The following ZBED3 variants were observed in gnomAD, a reference collection of about 807,000 sequenced individuals.
ZBED3 encodes the protein zinc finger BED domain-containing protein 3.
For synonymous variants in ZBED3, 175 were observed against 180.0 expected (o/e 0.97, Z 0.22); for missense variants, 388 against 362.9 (o/e 1.07, Z -0.56).
intron 1 of ZBED3, among the ~76,000 whole-genome samples, chr5:77,085,369 C>G (rs2150743352): frequency 6.6e-6 from 1 of 152,302 alleles, no homozygotes; most frequent in Non-Finnish European, 1.5e-5. Flanking sequence ...TATGCTTGTG[C>G]ACATAAAAAA....
chr5:77,080,307 G>A lies in ZBED3; in HGVS notation c.-152-1579C>T. 7.9e-6 allele frequency: 3 copies of A among 380,696 alleles called. No individual in the cohort carries two copies. In the Admixed American group the frequency reaches 1.0e-4, roughly 13 times the overall value. 23.6% of individuals were successfully genotyped at this position (380,696 alleles called of 1,614,324 possible). On this transcript the variant is annotated intron_variant, in intron 1 of 2. Coordinates refer to ENST00000255198, the MANE Select transcript of ZBED3 (RefSeq NM_032367.4). ...TTAAAAACTGGAATGCCCAGAGGGA[G>A]TGTCGCACAGGTGAATGCCATCTGT...
At chr5:77,080,840 G>A (rs879851254) in intron 1 of ZBED3, among the ~76,000 whole-genome samples, 3 of 152,226 alleles carry the variant, frequency 2.0e-5, no homozygotes, top group African/African-American at 7.2e-5. Context: ...TGTAAATGAC[G>A]AGTTAACGGG....
At chr5:77,080,373 C>T (rs1743103407) in intron 1 of ZBED3, 1 of 425,770 alleles carries the variant, frequency 2.3e-6, no homozygotes, top group Non-Finnish European at 4.6e-6. Context: ...GCACTGACTT[C>T]GATGTCTTAA....
At chr5:77,083,407 G>T (rs1326469249) in intron 1 of ZBED3, among the ~76,000 whole-genome samples, 5 of 152,224 alleles carry the variant, frequency 3.3e-5, no homozygotes, top group Non-Finnish European at 5.9e-5. Flanking sequence ...CTGGCACAGG[G>T]TAGACACTTG....
Position 77,075,449 on chromosome 5 carries a change from GT to G in ZBED3, c.*1724del, listed in dbSNP as rs1394683451. On this transcript the variant is annotated 3_prime_UTR_variant, in exon 3 of 3. Coordinates refer to ENST00000255198, the MANE Select transcript of ZBED3 (RefSeq NM_032367.4). Reference sequence around the variant, plus strand: ...GCTCTGTATTAGAGGCTATAAAGAAGTTACTGTTTATATTTTTAGGCATGAT... The same window carrying G: ...GCTCTGTATTAGAGGCTATAAAGAAGTACTGTTTATATTTTTAGGCATGAT... 4 of 152,142 alleles carry G rather than the reference GT, an allele frequency of 2.6e-5. No homozygotes were observed. The highest frequency in any genetic ancestry group is 6.5e-5 in the Admixed American group (1 of 15,276). The allele number at this position is 152,142 out of a possible 1,614,324, so 9.4% of individuals were successfully genotyped here.
In ZBED3 at chr5:77,077,040, A is replaced by T; in HGVS notation, c.*134T>A. 3.3e-6 allele frequency: 2 copies of T among 607,464 alleles called. No homozygotes were observed. The highest frequency in any genetic ancestry group is 2.4e-6 in the Non-Finnish European group (1 of 410,888). The allele number at this position is 607,464 out of a possible 1,614,324, so 37.6% of individuals were successfully genotyped here. Reference sequence around the variant, plus strand: ...GAAGCCTTAGGGTGTGGAAGATCCTACAGTTAGCTGGAGCTTCCGAGTGAG... The same window carrying T: ...GAAGCCTTAGGGTGTGGAAGATCCTTCAGTTAGCTGGAGCTTCCGAGTGAG... On this transcript the variant is annotated 3_prime_UTR_variant, in exon 3 of 3. Coordinates refer to ENST00000255198, the MANE Select transcript of ZBED3 (RefSeq NM_032367.4).
chr5:77,077,516 G>A lies in ZBED3; in HGVS notation c.363C>T (p.Pro121=). 6.7e-6 allele frequency: 8 copies of A among 1,199,410 alleles called. No individual in the cohort carries two copies. Among genetic ancestry groups the A allele is most frequent in the Non-Finnish European group, 8.2e-6 (8 of 970,068 alleles). 74.3% of individuals were successfully genotyped at this position (1,199,410 alleles called of 1,614,324 possible). Reference sequence around the variant, plus strand: ...CCCAGTCGCCCTCGGGGGCCGCAGCGGGGCCGGGCGGCGGCGGGCAGGGCG... The same window carrying A: ...CCCAGTCGCCCTCGGGGGCCGCAGCAGGGCCGGGCGGCGGCGGGCAGGGCG... ...PAAPCPPPPG[P]AAAPEGDWAR... The change falls in exon 3 of 3, where the codon CCC becomes CCT. Residue 121 remains proline, a synonymous_variant. Coordinates refer to ENST00000255198, the MANE Select transcript of ZBED3 (RefSeq NM_032367.4).
Position 77,077,067 on chromosome 5 carries a change from A to G in ZBED3, c.*107T>C. ...AGTTAGCTGGAGCTTCCGAGTGAGT[A>G]GCGGCTGCGGGCCTGGCTTCGGTTA... is the stretch of plus-strand genomic sequence containing the variant. On this transcript the variant is annotated 3_prime_UTR_variant, in exon 3 of 3. Coordinates refer to ENST00000255198, the MANE Select transcript of ZBED3 (RefSeq NM_032367.4). The G allele has an allele frequency of 1.2e-6, 1 of 810,042 alleles. No homozygotes were observed. The highest frequency in any genetic ancestry group is 1.7e-6 in the Non-Finnish European group (1 of 595,812). 50.2% of individuals were successfully genotyped at this position (810,042 alleles called of 1,614,324 possible). A position where few individuals can be genotyped will look rare whatever the true frequency, so the allele number is the denominator to read the frequency against.
Position 77,077,078 on chromosome 5 carries a change from G to C in ZBED3, c.*96C>G. The C allele has an allele frequency of 1.1e-6, 1 of 936,266 alleles. No individual in the cohort carries two copies. The highest frequency in any genetic ancestry group is 1.4e-6 in the Non-Finnish European group (1 of 708,976). The allele number at this position is 936,266 out of a possible 1,614,324, so 58.0% of individuals were successfully genotyped here. A position where few individuals can be genotyped will look rare whatever the true frequency, so the allele number is the denominator to read the frequency against. On this transcript the variant is annotated 3_prime_UTR_variant, in exon 3 of 3. Coordinates refer to ENST00000255198, the MANE Select transcript of ZBED3 (RefSeq NM_032367.4). ...GCTTCCGAGTGAGTAGCGGCTGCGG[G>C]CCTGGCTTCGGTTACGGCTTCGGTC...
At chr5:77,083,499 A>C (rs1167884039) in intron 1 of ZBED3, among the ~76,000 whole-genome samples, 1 of 152,204 alleles carries the variant, frequency 6.6e-6, no homozygotes, top group Non-Finnish European at 1.5e-5. Flanking sequence ...CCCATCTGTC[A>C]AGAGAAATAA....
intron 1 of ZBED3, among the ~76,000 whole-genome samples, chr5:77,085,561 G>A (rs566968124): frequency 1.3e-5 from 2 of 152,270 alleles, no homozygotes; most frequent in South Asian, 2.1e-4. Context: ...TCACACTAAC[G>A]TGAAATTCAC....
rs1461515784 is a variant in ZBED3 at position 77,077,774 on chromosome 5, C to T, written c.105G>A (p.Pro35=). ...GCGCCCCCAGGCGGCCGGGAGGCGT[C>T]GGCGTCGGCGCCGGCCCCAGTCCCG... The part of the protein sequence containing the change: ...QCPGLGPAPT[P]TPPGRLGAPY... Residue 35 remains proline (P), a synonymous_variant, in exon 3 of 3, where the codon CCG becomes CCA. Transcript: ENST00000255198. The T allele has an allele frequency of 6.8e-6, 9 of 1,314,622 alleles. No homozygotes were observed. The South Asian group carries it at 1.1e-4, about 16-fold the overall frequency. The allele number at this position is 1,314,622 out of a possible 1,614,324, so 81.4% of individuals were successfully genotyped here. A position where few individuals can be genotyped will look rare whatever the true frequency, so the allele number is the denominator to read the frequency against.
In ZBED3 at chr5:77,072,382, A is replaced by G. The variant is rs1209287066; in HGVS notation, c.*4792T>C. Reference sequence around the variant, plus strand: ...GTTAATCTGGTTAATCATCTACCATATTCACCAGACTGAATAATTGGCAGT... The same window carrying G: ...GTTAATCTGGTTAATCATCTACCATGTTCACCAGACTGAATAATTGGCAGT... On this transcript the variant is annotated 3_prime_UTR_variant, in exon 3 of 3. Transcript: ENST00000255198. 1 of 152,208 alleles carries G rather than the reference A, an allele frequency of 6.6e-6. No homozygotes were observed. The highest frequency in any genetic ancestry group is 6.5e-5 in the Admixed American group (1 of 15,282). 9.4% of individuals were successfully genotyped at this position (152,208 alleles called of 1,614,324 possible).
Position 77,072,349 on chromosome 5 carries a change from C to T in ZBED3, c.*4825G>A, listed in dbSNP as rs1017592500. 2.0e-5 allele frequency: 3 copies of T among 152,146 alleles called. No homozygotes were observed. Among genetic ancestry groups the T allele is most frequent in the Non-Finnish European group, 2.9e-5 (2 of 68,036 alleles). 9.4% of individuals were successfully genotyped at this position (152,146 alleles called of 1,614,324 possible). ...TTTTATTATAATCTCACCTTATTAA[C>T]CAGAAATGTTAATCTGGTTAATCAT... On this transcript the variant is annotated 3_prime_UTR_variant, in exon 3 of 3. Coordinates refer to ENST00000255198, the MANE Select transcript of ZBED3 (RefSeq NM_032367.4).
At chr5:77,087,024 C>G (rs1354292413) in intron 1 of ZBED3, 87 bp downstream of exon 1, 1 of 152,274 alleles carries the variant, frequency 6.6e-6, no homozygotes, top group Admixed American at 6.5e-5. Flanking sequence ...GGGAGGCCGG[C>G]AGGGGCGTCC....
chr5:77,082,550 G>A (rs909170367), intron 1 of ZBED3, among the ~76,000 whole-genome samples: 4 of 152,164 alleles, frequency 2.6e-5, no homozygotes, highest in African/African-American at 9.7e-5. Context: ...GATATCTGGA[G>A]GAACTGTTCA....
rs1743031241 is a variant in ZBED3, at chr5:77,077,297, C to CGCCTGCAGCGCCTCCCGCTCG, written c.561_581dup (p.Glu188_Ala194dup). The stretch of plus-strand genomic sequence containing the variant: ...CACGGCGGCTCACATCCCGCAGCCG[C>CGCCTGCAGCGCCTCCCGCTCG]GCCTGCAGCGCCTCCCGCTCGGCCT... On this transcript the variant is annotated inframe_insertion, in exon 3 of 3. Transcript: ENST00000255198. 4 of 1,338,602 alleles carry CGCCTGCAGCGCCTCCCGCTCG rather than the reference C, an allele frequency of 3.0e-6. No homozygotes were observed. Among genetic ancestry groups the CGCCTGCAGCGCCTCCCGCTCG allele is most frequent in the Non-Finnish European group, 3.8e-6 (4 of 1,049,560 alleles). The allele number at this position is 1,338,602 out of a possible 1,614,324, so 82.9% of individuals were successfully genotyped here. A position where few individuals can be genotyped will look rare whatever the true frequency, so the allele number is the denominator to read the frequency against.
intron 1 of ZBED3, chr5:77,086,675 GC>G (rs1743248117): frequency 1.3e-5 from 2 of 152,162 alleles, no homozygotes; most frequent in African/African-American, 4.8e-5. Context: ...TCTGGTGTAA[GC>G]TTTTGGCTTG....
At position 77,076,978 on chromosome 5, in the gene ZBED3, T is replaced by G; in HGVS notation, c.*196A>C. On this transcript the variant is annotated 3_prime_UTR_variant, in exon 3 of 3. Transcript: ENST00000255198. Reference sequence around the variant, plus strand: ...CCCCGGTGACCCCATGGAAGTGAGTTTTGGTTCTGCTCTGGCTTCGAAGTG... The same window carrying G: ...CCCCGGTGACCCCATGGAAGTGAGTGTTGGTTCTGCTCTGGCTTCGAAGTG... 2 of 408,394 alleles carry G rather than the reference T, an allele frequency of 4.9e-6. No homozygotes were observed. Among genetic ancestry groups the G allele is most frequent in the Non-Finnish European group, 4.1e-6 (1 of 241,820 alleles). The allele number at this position is 408,394 out of a possible 1,614,324, so 25.3% of individuals were successfully genotyped here.
Sources: allele counts gnomAD v4.1 joint callset (sites outside exome capture counted in the v4.1 genomes callset), GRCh38; gene constraint gnomAD v4.1.1; transcripts MANE v1.5; gene names NCBI Gene and HGNC (gene_info 2026-07-23, HGNC 2026-07-21).